Variants in SAP130 observed in about 807,000 individuals in gnomAD.
SAP130 encodes histone deacetylase complex subunit SAP130.
In SAP130, 16 loss-of-function variants were observed where a neutral mutation model predicts 103.2. That is an observed-to-expected ratio of 0.16 (90% CI 0.10 to 0.24). The LOEUF (loss-of-function observed/expected upper bound fraction) is 0.24. Ranked by LOEUF, SAP130 falls within the 10% of genes least tolerant of loss-of-function variation. The probability of loss-of-function intolerance (pLI) is 1.00; values close to 1 mark genes in which losing one functional copy is unlikely to be tolerated. For missense variants in SAP130, 990 were observed against 1,359.7 expected (o/e 0.73, Z 4.28); for synonymous variants, 477 against 497.0 (o/e 0.96, Z 0.53).
intron 15 of SAP130, among the ~76,000 whole-genome samples, chr2:127,957,256 T>A (rs1473802150): frequency 6.6e-6 from 1 of 152,010 alleles, no homozygotes; most frequent in Non-Finnish European, 1.5e-5. Context: ...GAGCTATAAT[T>A]GTAACACTGG....
At chr2:127,967,698 A>C (rs1680759444) in intron 15 of SAP130, among the ~76,000 whole-genome samples, 2 of 151,978 alleles carry the variant, frequency 1.3e-5, no homozygotes, top group African/African-American at 4.8e-5. Context: ...GCCCGGCCAT[A>C]GCTGGAGATT....
intron 18 of SAP130, among the ~76,000 whole-genome samples, chr2:127,947,519 G>C (rs775480987): frequency 3.9e-5 from 6 of 152,176 alleles, no homozygotes; most frequent in Non-Finnish European, 8.8e-5. Context: ...GTCTGGTGTT[G>C]ATAGCATGAA....
In SAP130 at chr2:128,016,476, G is replaced by A. The variant is rs745901717; in HGVS notation, c.420C>T (p.Pro140=). ...PAPPSTLSLP[P]KVPGQVTVTM... is the part of the protein sequence containing the mutation. ...TAACGGTAACCTGCCCTGGAACCTT[G>A]GGGGGAAGTGACAGGGTAGAAGGTG... The change falls in exon 4 of 21, where the codon CCC becomes CCT. Residue 140 remains proline (P), a synonymous_variant. Coordinates refer to ENST00000643581, the MANE Select transcript of SAP130 (RefSeq NM_001330301.2). 1.2e-6 allele frequency: 2 copies of A among 1,613,780 alleles called. No homozygotes were observed. Among genetic ancestry groups the A allele is most frequent in the African/African-American group, 2.7e-5 (2 of 74,880 alleles).
chr2:127,976,820 G>A (rs1162796072), intron 15 of SAP130, among the ~76,000 whole-genome samples: 1 of 152,206 alleles, frequency 6.6e-6, no homozygotes, highest in Non-Finnish European at 1.5e-5. Flanking sequence ...TGAGGCAGGA[G>A]AATTACTTGA....
intron 15 of SAP130, among the ~76,000 whole-genome samples, chr2:127,956,313 T>A (rs1480893091): frequency 6.6e-6 from 1 of 152,184 alleles, no homozygotes; most frequent in African/African-American, 2.4e-5. Flanking sequence ...TGTAATAGCC[T>A]TTATGAAAAT....
Position 128,000,289 on chromosome 2 carries a change from C to T in SAP130, c.1017+18G>A. The T allele has an allele frequency of 6.2e-7, 1 of 1,614,096 alleles. No homozygotes were observed. The highest frequency in any genetic ancestry group is 1.7e-5 in the Admixed American group (1 of 60,014). ...TACCCAACAAAGTACACAGGTGGTTCTCCACTTTTGGTTTTACCTGAGCCA... is the reference window on the plus strand; with the variant it reads ...TACCCAACAAAGTACACAGGTGGTTTTCCACTTTTGGTTTTACCTGAGCCA... On this transcript the variant is annotated intron_variant, in intron 8 of 20. Transcript: ENST00000643581.
chr2:128,026,386 ATAGT>A, intron 1 of SAP130, 88 bp from the exon 2 acceptor site: 1 of 890,960 alleles, frequency 1.1e-6, no homozygotes, highest in African/African-American at 1.7e-5. Context: ...TACCTATGAG[ATAGT>A]CCCTTGGAAA....
At chr2:127,982,001 C>CTT (rs1243975641) in intron 14 of SAP130, among the ~76,000 whole-genome samples, 1 of 152,160 alleles carries the variant, frequency 6.6e-6, no homozygotes, top group Non-Finnish European at 1.5e-5. Context: ...CTTGGCTGAC[C>CTT]TTACAGTAAC....
At chr2:127,958,840 G>C (rs1330323629) in intron 15 of SAP130, among the ~76,000 whole-genome samples, 6 of 152,088 alleles carry the variant, frequency 3.9e-5, no homozygotes, top group African/African-American at 1.4e-4. Flanking sequence ...TGTATTTTTT[G>C]TAAAGGCGGG....
chr2:128,025,655 G>A (rs1010168062), intron 2 of SAP130, among the ~76,000 whole-genome samples: 1 of 152,094 alleles, frequency 6.6e-6, no homozygotes, highest in Admixed American at 6.6e-5. Context: ...AAGTAATCTA[G>A]AGATGATTTA....
chr2:127,948,818 C>A (rs1270534591), intron 18 of SAP130, among the ~76,000 whole-genome samples: 1 of 152,104 alleles, frequency 6.6e-6, no homozygotes, highest in Non-Finnish European at 1.5e-5. Flanking sequence ...GTCAAGTTAT[C>A]TTTCTTGAGA....
intron 5 of SAP130, among the ~76,000 whole-genome samples, chr2:128,013,615 T>G (rs544411974): frequency 1.3e-5 from 2 of 152,362 alleles, no homozygotes; most frequent in South Asian, 4.1e-4. Flanking sequence ...TTTGGAGAAC[T>G]GCTGAGTTAT....
chr2:128,010,951 G>GA (rs35508983), intron 6 of SAP130, among the ~76,000 whole-genome samples: 41,221 of 130,290 alleles, frequency 0.32, 6,903 homozygotes, highest in African/African-American at 0.49. Flanking sequence ...CAAGTGTTTT[G>GA]AAAAAAAAAA....
At chr2:127,958,409 G>A (rs909640386) in intron 15 of SAP130, among the ~76,000 whole-genome samples, 4 of 152,172 alleles carry the variant, frequency 2.6e-5, no homozygotes, top group South Asian at 2.1e-4. Flanking sequence ...GCGAGACTCC[G>A]TCTCAAAAAA....
intron 7 of SAP130, among the ~76,000 whole-genome samples, chr2:128,004,815 T>C (rs2105122088): frequency 6.6e-6 from 1 of 152,194 alleles, no homozygotes; most frequent in African/African-American, 2.4e-5. Context: ...AGTGAAGTAA[T>C]GGCCAACAAA....
chr2:127,977,967 G>C lies in SAP130; in HGVS notation c.2063+18C>G, dbSNP rs1429944184. ...GTGTGGGTAAAAGCAAGAGTGCGAA[G>C]AACACTTAGGTGCTCACCCTGCAGG... On this transcript the variant is annotated intron_variant, in intron 15 of 20. Coordinates refer to ENST00000643581, the MANE Select transcript of SAP130 (RefSeq NM_001330301.2). 16 of 1,524,492 alleles carry C rather than the reference G, an allele frequency of 1.0e-5. No individual in the cohort carries two copies. Among genetic ancestry groups the C allele is most frequent in the East Asian group, 2.5e-5 (1 of 40,790 alleles). The allele number at this position is 1,524,492 out of a possible 1,614,324, so 94.4% of individuals were successfully genotyped here.
chr2:127,942,990 AAAATAAATAAAT>A lies in SAP130; in HGVS notation c.2902-465_2902-454del, dbSNP rs57077932. Among the ~76,000 whole-genome samples, 1,350 of 152,090 alleles carry A rather than the reference AAAATAAATAAAT, an allele frequency of 8.9e-3. 15 individuals are homozygous for A. Among genetic ancestry groups the A allele is most frequent in the South Asian group, 0.017 (84 of 4,826 alleles). On this transcript the variant is annotated intron_variant, in intron 19 of 20. Coordinates refer to ENST00000643581, the MANE Select transcript of SAP130 (RefSeq NM_001330301.2). The surrounding 1 kb of genome is among the most constrained non-coding windows in gnomAD (Gnocchi z 4.8). Reference sequence around the variant, plus strand: ...GCAACAAGAGCGAAATTCCATCTAAAAAATAAATAAATAAATAAATAAATAAAATAAAAACAG... The same window carrying A: ...GCAACAAGAGCGAAATTCCATCTAAAAAATAAATAAATAAAATAAAAACAG...
At chr2:127,973,956 C>T (rs1028539340) in intron 15 of SAP130, among the ~76,000 whole-genome samples, 4 of 152,004 alleles carry the variant, frequency 2.6e-5, no homozygotes, top group Admixed American at 2.6e-4. Flanking sequence ...TTAAGTAGTC[C>T]TAACTACTCA....
chr2:128,003,579 G>A (rs10186151), intron 7 of SAP130, among the ~76,000 whole-genome samples: 37,837 of 150,894 alleles, frequency 0.25, 4,963 homozygotes, highest in African/African-American at 0.33. Flanking sequence ...AGAGTGAGAC[G>A]TTGTCTCAAA....
Sources: allele counts gnomAD v4.1 joint callset (sites outside exome capture counted in the v4.1 genomes callset), GRCh38; gene constraint gnomAD v4.1.1; non-coding constraint Gnocchi (gnomAD v3.1); transcripts MANE v1.5; gene names NCBI Gene and HGNC (gene_info 2026-07-23, HGNC 2026-07-21).